The following CLUL1 variants were observed in gnomAD, a reference collection of about 807,000 sequenced individuals.
CLUL1 encodes the protein clusterin-like protein 1.
Under a neutral mutation model 49.4 loss-of-function variants are expected in CLUL1, and 43 were observed. The ratio of observed to expected loss-of-function variants is 0.87; its 90% CI spans 0.68 to 1.12. The LOEUF (loss-of-function observed/expected upper bound fraction) is 1.12. Ranked by LOEUF, CLUL1 falls within the 50% of genes most tolerant of loss-of-function variation. CLUL1 has a pLI of 0.00. For missense variants in CLUL1, 486 were observed against 544.4 expected (o/e 0.89, Z 1.07); for synonymous variants, 192 against 184.9 (o/e 1.04, Z -0.31).
Position 643,690 on chromosome 18 carries a change from T to C in CLUL1, c.1210-1220T>C, listed in dbSNP as rs114133806. On this transcript the variant is annotated intron_variant, in intron 8 of 9. Coordinates refer to ENST00000692774, the MANE Select transcript of CLUL1 (RefSeq NM_001393344.1). ...AAAACCTCCACATAAAATAAAATTA[T>C]GGTTTTCAATTATACATTTTTATAA... Among the ~76,000 whole-genome samples, 54 of 152,360 alleles carry C rather than the reference T, an allele frequency of 3.5e-4. 1 individual carries two copies. The highest frequency in any genetic ancestry group is 1.3e-3 in the African/African-American group (54 of 41,596).
intron 8 of CLUL1, among the ~76,000 whole-genome samples, chr18:641,955 T>C (rs2074356319): frequency 6.6e-6 from 1 of 152,220 alleles, no homozygotes; most frequent in Non-Finnish European, 1.5e-5. Flanking sequence ...TAGGCCTCAG[T>C]GTTCCACCTG....
At chr18:598,992 GA>G (rs1473929482) in intron 1 of CLUL1, among the ~76,000 whole-genome samples, 1 of 152,148 alleles carries the variant, frequency 6.6e-6, no homozygotes, top group African/African-American at 2.4e-5. Flanking sequence ...GCAAATTAGA[GA>G]AATGAGTACA....
intron 6 of CLUL1, among the ~76,000 whole-genome samples, chr18:630,928 C>T (rs944578681): frequency 6.6e-6 from 1 of 151,634 alleles, no homozygotes; most frequent in South Asian, 2.1e-4. Context: ...AGACTTCTGA[C>T]CTAAAAGACC....
At chr18:638,081 A>G (rs1053419744) in intron 7 of CLUL1, among the ~76,000 whole-genome samples, 1 of 152,200 alleles carries the variant, frequency 6.6e-6, no homozygotes, top group African/African-American at 2.4e-5. Flanking sequence ...TATCATTTGG[A>G]AGAGGAAATA....
chr18:644,801 T>A, intron 8 of CLUL1, 109 bp from the exon 9 acceptor site: 1 of 713,710 alleles, frequency 1.4e-6, no homozygotes, highest in Non-Finnish European at 2.2e-6. Context: ...CCAGGACTAA[T>A]CTGTTACCTC....
chr18:630,259 C>T (rs1469270272), intron 6 of CLUL1, among the ~76,000 whole-genome samples: 2 of 152,088 alleles, frequency 1.3e-5, no homozygotes, highest in Admixed American at 6.5e-5. Flanking sequence ...CAGGCACTCA[C>T]CACCATACCT....
At chr18:640,323 C>A (rs2074305221) in intron 7 of CLUL1, among the ~76,000 whole-genome samples, 1 of 151,748 alleles carries the variant, frequency 6.6e-6, no homozygotes, top group African/African-American at 2.4e-5. Context: ...GGTGGAAATA[C>A]CACTTGAGCC....
intron 1 of CLUL1, among the ~76,000 whole-genome samples, chr18:603,533 C>T (rs573194371): frequency 1.2e-4 from 19 of 152,158 alleles, no homozygotes; most frequent in Non-Finnish European, 2.2e-4. Context: ...GAACAATGCA[C>T]CCTTTACCCA....
At position 606,955 on chromosome 18, in the gene CLUL1, CT is replaced by C; in HGVS notation, c.-135-17del. 3 of 602,420 alleles carry C rather than the reference CT, an allele frequency of 5.0e-6. No individual in the cohort carries two copies. The South Asian group carries it at 6.0e-5, about 12-fold the overall frequency. 37.3% of individuals were successfully genotyped at this position (602,420 alleles called of 1,614,324 possible). A position where few individuals can be genotyped will look rare whatever the true frequency, so the allele number is the denominator to read the frequency against. On this transcript the variant is annotated intron_variant, in intron 1 of 9. Transcript: ENST00000692774. This position sits in a 1 kb window ranked among gnomAD's most constrained non-coding sequence, Gnocchi z 4.1. ...TAGGCGGCTCCCTAAAATTTCTTTTCTTTTTTCTTTTCTTTTCTTTAGAGTT... is the reference window on the plus strand; with the variant it reads ...TAGGCGGCTCCCTAAAATTTCTTTTCTTTTTCTTTTCTTTTCTTTAGAGTT...
rs1192818568 is a variant in CLUL1 at position 627,435 on chromosome 18, G to C, written c.762G>C (p.Leu254=). The C allele has an allele frequency of 2.5e-6, 4 of 1,613,914 alleles. No individual in the cohort carries two copies. Among genetic ancestry groups the C allele is most frequent in the Non-Finnish European group, 3.4e-6 (4 of 1,179,834 alleles). ...GGGACATTCCCAACTTCTTCCAGCT[G>C]TTTTGTAATTTCAGTGTCTCTATTT... is the stretch of plus-strand genomic sequence containing the variant. ...QCWDIPNFFQ[L]FCNFSVSIYE... is the part of the protein sequence containing the mutation. The change falls in exon 6 of 10, where the codon CTG becomes CTC. Residue 254 remains leucine (L), a synonymous_variant. Transcript: ENST00000692774.
At chr18:611,974 G>A (rs1353358068) in intron 2 of CLUL1, among the ~76,000 whole-genome samples, 1 of 152,166 alleles carries the variant, frequency 6.6e-6, no homozygotes, top group Non-Finnish European at 1.5e-5. Flanking sequence ...CTCAAGTCAA[G>A]AATCCAGCAG....
At chr18:649,675 G>A (rs2074620126) in intron 9 of CLUL1, 1 of 465,668 alleles carries the variant, frequency 2.1e-6, no homozygotes, top group Admixed American at 3.9e-5. Context: ...CATCTTAGAG[G>A]CTCAACAACC....
intron 1 of CLUL1, among the ~76,000 whole-genome samples, chr18:603,575 A>G (rs985142378): frequency 2.6e-5 from 4 of 152,136 alleles, no homozygotes; most frequent in African/African-American, 9.7e-5. Flanking sequence ...TTATGCAACT[A>G]TATTATAATA....
chr18:597,570 T>G (rs2072687516), intron 1 of CLUL1: 1 of 152,202 alleles, frequency 6.6e-6, no homozygotes, highest in African/African-American at 2.4e-5. Flanking sequence ...TAGTCGATTG[T>G]GGTGGTGCAT....
intron 2 of CLUL1, among the ~76,000 whole-genome samples, chr18:614,293 AGAAG>A (rs1237680281): frequency 7.0e-6 from 1 of 142,240 alleles, no homozygotes; most frequent in Admixed American, 7.1e-5. Flanking sequence ...ACATAAGGAA[AGAAG>A]GAAGGGAGGA....
Position 618,793 on chromosome 18 carries a change from C to T in CLUL1, c.107-420C>T, listed in dbSNP as rs576934629. ...GGGATACTTTCTAGGTCTCGTGCCT[C>T]CTTATTAGGTAACTGAAGCTGAAAG... On this transcript the variant is annotated intron_variant, in intron 3 of 9. Transcript: ENST00000692774. This position sits in a 1 kb window ranked among gnomAD's most constrained non-coding sequence, Gnocchi z 4.2. Among the ~76,000 whole-genome samples, 1 of 152,216 alleles carries T rather than the reference C, an allele frequency of 6.6e-6. No individual in the cohort carries two copies. The highest frequency in any genetic ancestry group is 2.4e-5 in the African/African-American group (1 of 41,536).
At chr18:598,675 C>T (rs2072730066) in intron 1 of CLUL1, 1 of 397,372 alleles carries the variant, frequency 2.5e-6, no homozygotes, top group Admixed American at 4.4e-5. Context: ...ACAGCTGGTC[C>T]AGATTTTCCA....
intron 6 of CLUL1, among the ~76,000 whole-genome samples, chr18:628,864 C>T (rs1384446910): frequency 6.6e-6 from 1 of 151,992 alleles, no homozygotes; most frequent in Non-Finnish European, 1.5e-5. Flanking sequence ...AACTCCTGAC[C>T]TCAAGTGATC....
At chr18:649,688 G>A (rs536082394) in intron 9 of CLUL1, 2 of 486,746 alleles carry the variant, frequency 4.1e-6, no homozygotes, top group East Asian at 6.6e-5. Flanking sequence ...CAACAACCCA[G>A]GAAAGCTGTG....
Sources: gnomAD v4.1 joint callset for allele counts (sites outside exome capture counted in the v4.1 genomes callset) on GRCh38, gnomAD v4.1.1 for gene constraint, Gnocchi (gnomAD v3.1) non-coding constraint, MANE v1.5 for transcripts, NCBI Gene and HGNC (gene_info 2026-07-23, HGNC 2026-07-21) for gene names.